Variants in RAP2A observed in about 807,000 individuals in gnomAD.
The protein encoded by RAP2A is RAP2A, member of RAS oncogene family, also known as ras-related protein Rap-2a.
A neutral mutation model predicts 15.1 loss-of-function variants in RAP2A; 5 were observed. The ratio of observed to expected loss-of-function variants is 0.33; its 90% confidence interval spans 0.17 to 0.70. The LOEUF (loss-of-function observed/expected upper bound fraction) is 0.70. RAP2A is among the 30% of genes least tolerant of loss of function. RAP2A has a pLI of 0.68. For synonymous variants in RAP2A, 110 were observed against 99.7 expected, an observed-to-expected ratio of 1.10 and a Z score of -0.62; for missense variants, 111 against 240.3, an observed-to-expected ratio of 0.46 and a Z score of 3.56.
chr13:97,464,248 C>T lies in RAP2A; in HGVS notation c.358C>T (p.Leu120=), dbSNP rs771941427. 1.9e-6 allele frequency: 3 copies of T among 1,614,164 alleles called. No individual in the cohort carries two copies. Among genetic ancestry groups the T allele is most frequent in the Non-Finnish European group, 1.7e-6 (2 of 1,180,032 alleles). Residue 120 remains leucine (L), a synonymous_variant, in exon 2 of 2, where the codon CTG becomes TTG. Transcript: ENST00000245304. ...CATCTTGGTTGGGAACAAAGTGGACCTGGAAAGTGAGAGAGAAGTATCGTC... is the reference window on the plus strand; with the variant it reads ...CATCTTGGTTGGGAACAAAGTGGACTTGGAAAGTGAGAGAGAAGTATCGTC... ...PVILVGNKVD[L]ESEREVSSSE...
intron 1 of RAP2A, among the ~76,000 whole-genome samples, chr13:97,458,574 A>G (rs1283891648): frequency 6.6e-6 from 1 of 152,202 alleles, no homozygotes; most frequent in Non-Finnish European, 1.5e-5. Flanking sequence ...GCTTATAGAT[A>G]TAGACATATT....
chr13:97,441,473 C>T (rs2066657301), intron 1 of RAP2A, among the ~76,000 whole-genome samples: 1 of 151,992 alleles, frequency 6.6e-6, no homozygotes, highest in Non-Finnish European at 1.5e-5. Context: ...GTGTGAAGTT[C>T]TGGGAAATTA....
At position 97,468,754 on chromosome 13, in the gene RAP2A, A is replaced by T. The variant is rs1160032488; in HGVS notation, c.*4312A>T. 1 of 152,208 alleles carries T rather than the reference A, an allele frequency of 6.6e-6. No homozygotes were observed. Among genetic ancestry groups the T allele is most frequent in the East Asian group, 1.9e-4 (1 of 5,200 alleles). 9.4% of individuals were successfully genotyped at this position (152,208 alleles called of 1,614,324 possible). On this transcript the variant is annotated 3_prime_UTR_variant, in exon 2 of 2. Transcript: ENST00000245304. ...CATAATTTTATTTGAAGTGTTTGTA[A>T]ATTTTTTAATAAATTATTTAAATGT... is the stretch of plus-strand genomic sequence containing the variant.
intron 1 of RAP2A, among the ~76,000 whole-genome samples, chr13:97,462,942 C>G (rs1199229896): frequency 1.3e-5 from 2 of 152,182 alleles, no homozygotes; most frequent in Non-Finnish European, 2.9e-5. Flanking sequence ...TATCCAGTTT[C>G]CTGAATGATA....
chr13:97,453,745 G>C (rs74745822), intron 1 of RAP2A, among the ~76,000 whole-genome samples: 1,621 of 150,774 alleles, frequency 0.011, 60 homozygotes, highest in South Asian at 0.02. Flanking sequence ...TTTTTCACTC[G>C]TGATGATTAT....
chr13:97,456,475 T>C (rs1294369691), intron 1 of RAP2A, among the ~76,000 whole-genome samples: 5 of 152,186 alleles, frequency 3.3e-5, no homozygotes, highest in African/African-American at 7.2e-5. Flanking sequence ...CTGGCCACAA[T>C]AGAAGTTCTC....
intron 1 of RAP2A, among the ~76,000 whole-genome samples, chr13:97,452,257 CTAACT>C (rs2066704963): frequency 6.6e-6 from 1 of 151,220 alleles, no homozygotes; most frequent in African/African-American, 2.4e-5. Context: ...GTATTATAAC[CTAACT>C]TTAGTTTCTA....
In RAP2A at chr13:97,434,389, C is replaced by A. The variant is rs1348285013; in HGVS notation, c.-82C>A. On this transcript the variant is annotated 5_prime_UTR_variant, in exon 1 of 2. Coordinates refer to ENST00000245304, the MANE Select transcript of RAP2A (RefSeq NM_021033.7). ...AGCGGGAGGCGGCGGGGCGGGCCGC[C>A]GGGGCCGGGGCTGGGGGCGCAGCGC... The A allele has an allele frequency of 9.9e-7, 1 of 1,012,418 alleles. No homozygotes were observed. The highest frequency in any genetic ancestry group is 1.2e-6 in the Non-Finnish European group (1 of 847,506). 62.7% of individuals were successfully genotyped at this position (1,012,418 alleles called of 1,614,324 possible). A position where few individuals can be genotyped will look rare whatever the true frequency, so the allele number is the denominator to read the frequency against.
At chr13:97,439,804 G>C (rs2066649475) in intron 1 of RAP2A, among the ~76,000 whole-genome samples, 1 of 152,182 alleles carries the variant, frequency 6.6e-6, no homozygotes, top group African/African-American at 2.4e-5. Flanking sequence ...ACACAGTGGA[G>C]ACTTCCTATA....
chr13:97,435,822 T>C (rs1412512209), intron 1 of RAP2A: 1 of 152,186 alleles, frequency 6.6e-6, no homozygotes, highest in East Asian at 1.9e-4. Flanking sequence ...GCTGATAATT[T>C]TGGTGTCCTT....
rs1159590090 is a variant in RAP2A at position 97,434,355 on chromosome 13, G to A, written c.-116G>A. On this transcript the variant is annotated 5_prime_UTR_variant, in exon 1 of 2. The change creates a premature stop within an existing upstream ORF in the 5' untranslated region. Transcript: ENST00000245304. The stretch of plus-strand genomic sequence containing the variant: ...CAGGGGGCCGCCGCGGCTGTGAGGT[G>A]GGGGCGGCAGCGGGAGGCGGCGGGG... The A allele has an allele frequency of 8.2e-6, 7 of 850,296 alleles. No homozygotes were observed. The highest frequency in any genetic ancestry group is 9.9e-6 in the Non-Finnish European group (7 of 709,478). The allele number at this position is 850,296 out of a possible 1,614,324, so 52.7% of individuals were successfully genotyped here. A position where few individuals can be genotyped will look rare whatever the true frequency, so the allele number is the denominator to read the frequency against.
chr13:97,455,290 T>G (rs2066718380), intron 1 of RAP2A, among the ~76,000 whole-genome samples: 1 of 151,512 alleles, frequency 6.6e-6, no homozygotes, highest in South Asian at 2.1e-4. Flanking sequence ...ATTTTTCTGT[T>G]TATTTATAGA....
At chr13:97,443,403 T>A (rs1353962443) in intron 1 of RAP2A, among the ~76,000 whole-genome samples, 1 of 152,220 alleles carries the variant, frequency 6.6e-6, no homozygotes, top group Non-Finnish European at 1.5e-5. Flanking sequence ...TAGAGTATTT[T>A]AAGAGACAGG....
intron 1 of RAP2A, among the ~76,000 whole-genome samples, chr13:97,438,929 T>C (rs2066645489): frequency 2.0e-5 from 3 of 152,192 alleles, no homozygotes; most frequent in Non-Finnish European, 4.4e-5. Context: ...TTTGATTTCA[T>C]AGATGGAGGA....
chr13:97,459,081 A>G (rs1255080557), intron 1 of RAP2A, among the ~76,000 whole-genome samples: 1 of 152,230 alleles, frequency 6.6e-6, no homozygotes, highest in Non-Finnish European at 1.5e-5. Context: ...TCACCGTCTG[A>G]GCTGGTCATG....
chr13:97,461,840 G>GT (rs1239145295), intron 1 of RAP2A, among the ~76,000 whole-genome samples: 1 of 151,344 alleles, frequency 6.6e-6, no homozygotes, highest in African/African-American at 2.4e-5. Context: ...GTGGGCGCCT[G>GT]TAGTCCCAGG....
chr13:97,443,072 G>A (rs547484427), intron 1 of RAP2A, among the ~76,000 whole-genome samples: 1 of 152,178 alleles, frequency 6.6e-6, no homozygotes. Context: ...ATACATGAGT[G>A]CGGGATTATC....
At chr13:97,461,239 G>T (rs1246153701) in intron 1 of RAP2A, among the ~76,000 whole-genome samples, 4 of 152,140 alleles carry the variant, frequency 2.6e-5, no homozygotes, top group South Asian at 2.1e-4. Context: ...CTTTTCTACT[G>T]TCCCAAATTT....
At chr13:97,454,060 T>C (rs2066713012) in intron 1 of RAP2A, among the ~76,000 whole-genome samples, 1 of 151,346 alleles carries the variant, frequency 6.6e-6, no homozygotes, top group Non-Finnish European at 1.5e-5. Context: ...GTCGGATCGA[T>C]GTTTTGAAAA....
Sources: allele counts gnomAD v4.1 joint callset (sites outside exome capture counted in the v4.1 genomes callset), GRCh38; gene constraint gnomAD v4.1.1; transcripts MANE v1.5; gene names NCBI Gene and HGNC (gene_info 2026-07-23, HGNC 2026-07-21).